UVRAG: variants seen among roughly 807,000 people sequenced by gnomAD.
UVRAG encodes the protein UV radiation resistance associated, also known as UV radiation resistance-associated gene protein.
In UVRAG, 19 loss-of-function variants were observed where a neutral mutation model predicts 78.0. The observed-to-expected ratio is 0.24, with a 90% confidence interval of 0.17 to 0.36. The LOEUF (loss-of-function observed/expected upper bound fraction) is 0.36. Among genes scored for constraint, UVRAG ranks in the 10% least tolerant of loss-of-function variants. The pLI, the probability that UVRAG is intolerant of heterozygous loss-of-function variation, is 1.00. For missense variants in UVRAG, 740 were observed against 853.8 expected, an observed-to-expected ratio of 0.87 and a Z score of 1.66; for synonymous variants, 323 against 324.6, an observed-to-expected ratio of 1.00 and a Z score of 0.05.
At chr11:76,074,795 T>C (rs1379347415) in intron 13 of UVRAG, among the ~76,000 whole-genome samples, 1 of 152,214 alleles carries the variant, frequency 6.6e-6, no homozygotes. Context: ...ATTATCTGCA[T>C]TTTACAGAAG....
At chr11:76,095,193 A>G (rs1051030342) in intron 13 of UVRAG, among the ~76,000 whole-genome samples, 1 of 152,108 alleles carries the variant, frequency 6.6e-6, no homozygotes, top group Non-Finnish European at 1.5e-5. Context: ...ATATAATTGT[A>G]TAACAGATTT....
chr11:75,893,666 C>T (rs887787229), intron 5 of UVRAG, among the ~76,000 whole-genome samples: 1 of 109,704 alleles, frequency 9.1e-6, no homozygotes, highest in Non-Finnish European at 1.8e-5. Flanking sequence ...AATACTATCT[C>T]TACCAAAAAA....
At chr11:76,034,845 C>T (rs927694390) in intron 12 of UVRAG, among the ~76,000 whole-genome samples, 4 of 151,956 alleles carry the variant, frequency 2.6e-5, no homozygotes, top group African/African-American at 9.7e-5. Flanking sequence ...AATGATGGCT[C>T]CCAGGTTCAT....
chr11:76,012,491 T>C (rs1159241411), intron 11 of UVRAG, among the ~76,000 whole-genome samples: 1 of 152,178 alleles, frequency 6.6e-6, no homozygotes, highest in African/African-American at 2.4e-5. Context: ...ATAACCTCTT[T>C]AAACCTGTGA....
chr11:75,909,910 T>C (rs973474424), intron 5 of UVRAG, among the ~76,000 whole-genome samples: 2 of 152,238 alleles, frequency 1.3e-5, no homozygotes, highest in African/African-American at 4.8e-5. Flanking sequence ...ATGCTAGTTT[T>C]ATAAGTTGGA....
At chr11:76,066,137 A>G (rs1167375452) in intron 13 of UVRAG, among the ~76,000 whole-genome samples, 6 of 152,170 alleles carry the variant, frequency 3.9e-5, no homozygotes, top group South Asian at 2.1e-4. Context: ...TAGGGACTCA[A>G]TTTGCATTGT....
intron 1 of UVRAG, among the ~76,000 whole-genome samples, chr11:75,834,807 CTG>C (rs775988551): frequency 2.6e-5 from 4 of 152,084 alleles, no homozygotes; most frequent in Non-Finnish European, 5.9e-5. Context: ...GAGTGAGACT[CTG>C]TCTCAAAAAA....
At chr11:75,903,403 C>G (rs1486259555) in intron 5 of UVRAG, among the ~76,000 whole-genome samples, 1 of 152,184 alleles carries the variant, frequency 6.6e-6, no homozygotes, top group Non-Finnish European at 1.5e-5. Flanking sequence ...CTTACTTATT[C>G]AGCTGTATCT....
At chr11:76,140,655 G>A in intron 14 of UVRAG, 56 bp from the exon 15 acceptor site, 2 of 1,486,326 alleles carry the variant, frequency 1.3e-6, no homozygotes, top group Non-Finnish European at 1.8e-6. Context: ...GGATCCAGAA[G>A]GCTTACACTG....
chr11:75,954,764 T>A (rs1306244556), intron 6 of UVRAG, among the ~76,000 whole-genome samples: 1 of 152,194 alleles, frequency 6.6e-6, no homozygotes, highest in South Asian at 2.1e-4. Flanking sequence ...TCTGGTGAAA[T>A]AGGCAAAGAA....
intron 7 of UVRAG, among the ~76,000 whole-genome samples, chr11:75,982,629 CTGCT>C (rs1417284901): frequency 6.6e-6 from 1 of 152,168 alleles, no homozygotes; most frequent in Non-Finnish European, 1.5e-5. Flanking sequence ...CCTCAGGCCT[CTGCT>C]TGGCCTTCTT....
At chr11:76,058,672 A>T (rs527594994) in intron 12 of UVRAG, among the ~76,000 whole-genome samples, 1 of 152,348 alleles carries the variant, frequency 6.6e-6, no homozygotes, top group East Asian at 1.9e-4. Context: ...AATGTGAATC[A>T]TGAAATGTGG....
At chr11:76,133,850 G>GA (rs11447205) in intron 14 of UVRAG, among the ~76,000 whole-genome samples, 6,194 of 150,868 alleles carry the variant, frequency 0.041, 148 homozygotes, top group African/African-American at 0.08. Flanking sequence ...AAGAAAAAAA[G>GA]AAAAAAACCT....
At chr11:75,857,390 CTAACT>C (rs1313999485) in intron 2 of UVRAG, among the ~76,000 whole-genome samples, 8 of 152,194 alleles carry the variant, frequency 5.3e-5, no homozygotes, top group Non-Finnish European at 8.8e-5. Flanking sequence ...TTGGTTTTAA[CTAACT>C]TAAAGACCTC....
At chr11:76,060,968 G>A (rs1951076634) in intron 12 of UVRAG, among the ~76,000 whole-genome samples, 1 of 152,262 alleles carries the variant, frequency 6.6e-6, no homozygotes. Flanking sequence ...CGCGGGACTG[G>A]CAGGCAGCTC....
chr11:76,108,759 C>A (rs1565164436), intron 13 of UVRAG, among the ~76,000 whole-genome samples: 1 of 152,150 alleles, frequency 6.6e-6, no homozygotes, highest in Non-Finnish European at 1.5e-5. Flanking sequence ...AACTATAAAG[C>A]CAGATCTTCC....
At chr11:76,120,841 G>A (rs1952259865) in intron 14 of UVRAG, among the ~76,000 whole-genome samples, 1 of 152,190 alleles carries the variant, frequency 6.6e-6, no homozygotes, top group South Asian at 2.1e-4. Flanking sequence ...GAGCAGCCGT[G>A]GAGTGAGGAG....
At chr11:75,818,926 T>C (rs958834910) in intron 1 of UVRAG, among the ~76,000 whole-genome samples, 4 of 152,176 alleles carry the variant, frequency 2.6e-5, no homozygotes, top group African/African-American at 9.7e-5. Context: ...GGAGTGAAGA[T>C]GGGCTGTTAC....
At chr11:75,951,186 G>T (rs550412430) in intron 6 of UVRAG, among the ~76,000 whole-genome samples, 4 of 152,104 alleles carry the variant, frequency 2.6e-5, no homozygotes, top group Non-Finnish European at 1.5e-5. Context: ...TAATCTGTGT[G>T]TATGAGGTGA....
Sources: allele counts gnomAD v4.1 joint callset (sites outside exome capture counted in the v4.1 genomes callset), GRCh38; gene constraint gnomAD v4.1.1; transcripts MANE v1.5; gene names NCBI Gene and HGNC (gene_info 2026-07-23, HGNC 2026-07-21).